The following RUNX2 variants were observed in gnomAD, a reference collection of about 807,000 sequenced individuals.
The protein encoded by RUNX2 is RUNX family transcription factor 2, also known as runt-related transcription factor 2.
RUNX2 carries 10 observed loss-of-function variants against 51.7 expected under a neutral mutation model. That is an observed-to-expected ratio of 0.19 (90% CI 0.12 to 0.33). RUNX2 has a LOEUF of 0.33. Among genes scored for constraint, RUNX2 ranks in the 10% least tolerant of loss-of-function variants. The pLI is 1.00. For synonymous variants in RUNX2, 276 were observed against 273.6 expected (o/e 1.01, Z -0.09); for missense variants, 562 against 691.3 (o/e 0.81, Z 2.10).
At chr6:45,486,076 C>G (rs891403795) in intron 5 of RUNX2, among the ~76,000 whole-genome samples, 3 of 152,062 alleles carry the variant, frequency 2.0e-5, no homozygotes, top group African/African-American at 7.2e-5. Context: ...TACTGGTTGC[C>G]ATGATATTTA....
Position 45,547,652 on chromosome 6 carries a change from A to C in RUNX2, c.*347A>C. On this transcript the variant is annotated 3_prime_UTR_variant, in exon 9 of 9. Transcript: ENST00000647337. The stretch of plus-strand genomic sequence containing the variant: ...TTCATATGCCAATTCAGAGAGGTGG[A>C]CTCCAGGTTCAGGAGGGAGAAGAGC... The C allele has an allele frequency of 3.1e-6, 1 of 321,188 alleles. No homozygotes were observed. The highest frequency in any genetic ancestry group is 6.0e-6 in the Non-Finnish European group (1 of 167,262). The allele number at this position is 321,188 out of a possible 1,614,324, so 19.9% of individuals were successfully genotyped here.
chr6:45,533,371 A>T (rs1196647140), intron 7 of RUNX2, among the ~76,000 whole-genome samples: 1 of 152,194 alleles, frequency 6.6e-6, no homozygotes, highest in African/African-American at 2.4e-5. Context: ...TGTAACTAAG[A>T]TGTGTTTGTT....
intron 2 of RUNX2, among the ~76,000 whole-genome samples, chr6:45,414,152 C>T (rs1365806078): frequency 2.0e-5 from 3 of 152,096 alleles, no homozygotes; most frequent in African/African-American, 7.2e-5. Context: ...TTCAACTCTC[C>T]TTTTTAGATG....
chr6:45,365,365 A>G (rs976999892), intron 2 of RUNX2: 34 of 1,106,530 alleles, frequency 3.1e-5, no homozygotes, highest in Non-Finnish European at 4.5e-5. Context: ...GCAAAAAAAA[A>G]AGAAAGCAAA....
chr6:45,380,254 C>T (rs1470453075), intron 2 of RUNX2, among the ~76,000 whole-genome samples: 1 of 152,204 alleles, frequency 6.6e-6, no homozygotes, highest in African/African-American at 2.4e-5. Context: ...TGACTACCAC[C>T]TCTCAGAAAA....
chr6:45,350,518 C>G (rs1013647077), intron 2 of RUNX2, among the ~76,000 whole-genome samples: 7 of 152,126 alleles, frequency 4.6e-5, no homozygotes, highest in African/African-American at 1.7e-4. Context: ...TGCTTTCTCA[C>G]AGAAGACCAA....
intron 2 of RUNX2, among the ~76,000 whole-genome samples, chr6:45,398,495 T>C (rs1431505936): frequency 3.9e-5 from 6 of 152,222 alleles, no homozygotes; most frequent in Non-Finnish European, 7.3e-5. Flanking sequence ...GTTCAAAAGA[T>C]ATGTGAAGAT....
At position 45,547,109 on chromosome 6, in the gene RUNX2, C is replaced by T. The variant is rs932622541; in HGVS notation, c.1370C>T (p.Pro457Leu). ...YGTSSGSYQF[P>L]MVPGGDRSPS... ...ACTTCGTCAGGATCCTATCAGTTTC[C>T]CATGGTGCCGGGGGGAGACCGGTCT... Residue 457 changes from proline (P) to leucine (L), a missense_variant, in exon 9 of 9, where the codon CCC becomes CTC. By Grantham distance (98) the Pro-to-Leu change is moderately conservative (BLOSUM62 -3). This residue lies in a region of RUNX2 where 304 missense variants were observed against 353.2 expected (regional missense o/e 0.86). Coordinates refer to ENST00000647337, the MANE Select transcript of RUNX2 (RefSeq NM_001024630.4). The T allele has an allele frequency of 6.2e-7, 1 of 1,614,094 alleles. No homozygotes were observed. Among genetic ancestry groups the T allele is most frequent in the Non-Finnish European group, 8.5e-7 (1 of 1,180,004 alleles).
intron 4 of RUNX2, among the ~76,000 whole-genome samples, chr6:45,437,136 C>T (rs186522002): frequency 1.3e-5 from 2 of 152,342 alleles, no homozygotes; most frequent in Admixed American, 1.3e-4. Flanking sequence ...TTTTCCCTGT[C>T]TCTTTTCCCC....
chr6:45,378,469 TG>T (rs1797114703), intron 2 of RUNX2, among the ~76,000 whole-genome samples: 2 of 152,186 alleles, frequency 1.3e-5, no homozygotes, highest in South Asian at 4.1e-4. Context: ...TACAGGCGTG[TG>T]GATGTGGAAC....
At chr6:45,502,879 G>A (rs779505199) in intron 6 of RUNX2, among the ~76,000 whole-genome samples, 1 of 152,186 alleles carries the variant, frequency 6.6e-6, no homozygotes, top group Non-Finnish European at 1.5e-5. Flanking sequence ...AGCAGGGTCA[G>A]CACAGCCTGG....
At chr6:45,462,775 A>G (rs547978479) in intron 5 of RUNX2, among the ~76,000 whole-genome samples, 1 of 152,370 alleles carries the variant, frequency 6.6e-6, no homozygotes, top group South Asian at 2.1e-4. Flanking sequence ...GTTCCCTTTC[A>G]GAGCAAATAA....
chr6:45,537,458 A>T (rs764327850), intron 7 of RUNX2, among the ~76,000 whole-genome samples: 22 of 152,092 alleles, frequency 1.4e-4, no homozygotes, highest in Non-Finnish European at 4.4e-5. Context: ...ACTTTTTTTG[A>T]GCTTGAGTTT....
chr6:45,463,331 A>G (rs2150388058), intron 5 of RUNX2, among the ~76,000 whole-genome samples: 1 of 152,366 alleles, frequency 6.6e-6, no homozygotes, highest in Middle Eastern at 3.4e-3. Flanking sequence ...CATATTAAAA[A>G]CAGAATGAAT....
rs145864433 is a variant in RUNX2, at chr6:45,352,257, A to G, written c.58+23473A>G. Among the ~76,000 whole-genome samples the G allele has an allele frequency of 9.0e-3, 1,364 of 152,332 alleles. 13 individuals are homozygous for G. Among genetic ancestry groups the G allele is most frequent in the South Asian group, 0.025 (120 of 4,832 alleles). On this transcript the variant is annotated intron_variant, in intron 2 of 8. Coordinates refer to ENST00000647337, the MANE Select transcript of RUNX2 (RefSeq NM_001024630.4). ...CCTGACAATTTCAGCCTTAGAAAAT[A>G]CAATAAAAAATATGAACCAAGGAGT...
chr6:45,383,531 A>G (rs573302221), intron 2 of RUNX2, among the ~76,000 whole-genome samples: 1 of 152,342 alleles, frequency 6.6e-6, no homozygotes, highest in South Asian at 2.1e-4. Flanking sequence ...CTCATGTAAT[A>G]AAGTTCCATT....
At chr6:45,501,636 G>A (rs945551136) in intron 6 of RUNX2, among the ~76,000 whole-genome samples, 3 of 152,174 alleles carry the variant, frequency 2.0e-5, no homozygotes, top group South Asian at 4.1e-4. Context: ...TTTTTAACTA[G>A]CTATAAATCA....
At chr6:45,416,085 A>C (rs1162722932) in intron 2 of RUNX2, among the ~76,000 whole-genome samples, 1 of 152,232 alleles carries the variant, frequency 6.6e-6, no homozygotes, top group Non-Finnish European at 1.5e-5. Flanking sequence ...ATGGGGAAAA[A>C]CACTGAGAGA....
At chr6:45,360,220 T>C (rs1794012386) in intron 2 of RUNX2, among the ~76,000 whole-genome samples, 1 of 152,212 alleles carries the variant, frequency 6.6e-6, no homozygotes, top group Non-Finnish European at 1.5e-5. Flanking sequence ...TCAACCTTTG[T>C]GGCTCTATTC....
Sources: gnomAD v4.1 joint callset for allele counts (sites outside exome capture counted in the v4.1 genomes callset) on GRCh38, gnomAD v4.1.1 for gene constraint, gnomAD v4.1.1 regional missense constraint, MANE v1.5 for transcripts, NCBI Gene and HGNC (gene_info 2026-07-23, HGNC 2026-07-21) for gene names.